MAPK10: variants seen among roughly 807,000 people sequenced by gnomAD.
The protein encoded by MAPK10 is mitogen-activated protein kinase 10.
Under a neutral mutation model 59.3 loss-of-function variants are expected in MAPK10, and 25 were observed. That is an observed-to-expected ratio of 0.42 (90% CI 0.31 to 0.59). The LOEUF (loss-of-function observed/expected upper bound fraction) is 0.59. MAPK10 is among the 20% of genes least tolerant of loss of function. MAPK10 has a pLI of 0.15. For missense variants in MAPK10, 351 were observed against 568.9 expected, an observed-to-expected ratio of 0.62 and a Z score of 3.90; for synonymous variants, 190 against 200.5, an observed-to-expected ratio of 0.95 and a Z score of 0.44.
chr4:86,366,304 C>T (rs1234292900), intron 1 of MAPK10, among the ~76,000 whole-genome samples: 1 of 152,060 alleles, frequency 6.6e-6, no homozygotes, highest in South Asian at 2.1e-4. Flanking sequence ...ATGAGAAGGT[C>T]CTACATCTTG....
intron 1 of MAPK10, among the ~76,000 whole-genome samples, chr4:86,378,846 C>G (rs1740224699): frequency 6.6e-6 from 1 of 152,120 alleles, no homozygotes; most frequent in Admixed American, 6.6e-5. Context: ...TAAACATGTT[C>G]CATGAATTGC....
chr4:86,098,363 T>C (rs1251608687), intron 9 of MAPK10, 161 bp downstream of exon 9: 9 of 1,006,184 alleles, frequency 8.9e-6, no homozygotes, highest in Non-Finnish European at 1.1e-5. Flanking sequence ...GTAGGCAGTC[T>C]TCAGTACTGG....
intron 1 of MAPK10, among the ~76,000 whole-genome samples, chr4:86,580,443 G>A (rs1381125321): frequency 6.6e-6 from 1 of 151,942 alleles, no homozygotes; most frequent in Non-Finnish European, 1.5e-5. Flanking sequence ...AGGTTGCAGT[G>A]AGCTGAGATC....
intron 11 of MAPK10, among the ~76,000 whole-genome samples, chr4:86,038,797 C>A (rs2040883113): frequency 6.6e-6 from 1 of 152,054 alleles, no homozygotes; most frequent in South Asian, 2.1e-4. Context: ...AATAGTCTTA[C>A]CAACAATCGC....
intron 4 of MAPK10, among the ~76,000 whole-genome samples, chr4:86,141,274 C>G (rs946131235): frequency 4.6e-5 from 7 of 152,094 alleles, no homozygotes; most frequent in Non-Finnish European, 7.3e-5. Context: ...AAATGATAGT[C>G]CTATGGTGAA....
chr4:86,277,339 A>C (rs181900560), intron 2 of MAPK10: 1 of 152,192 alleles, frequency 6.6e-6, no homozygotes, highest in African/African-American at 2.4e-5. Context: ...GGGGAAGAAA[A>C]AGGAAATAAG....
At chr4:86,527,595 A>C (rs1328250907) in intron 1 of MAPK10, among the ~76,000 whole-genome samples, 1 of 152,196 alleles carries the variant, frequency 6.6e-6, no homozygotes, top group African/African-American at 2.4e-5. Context: ...TATGGAAAGC[A>C]GTTTGGAGAT....
chr4:86,584,889 T>C (rs1484533893), intron 1 of MAPK10, among the ~76,000 whole-genome samples: 2 of 152,132 alleles, frequency 1.3e-5, no homozygotes, highest in African/African-American at 4.8e-5. Flanking sequence ...AAGCTGCTAT[T>C]GAGAAGACTT....
At chr4:86,317,066 A>C (rs569587034) in intron 2 of MAPK10, among the ~76,000 whole-genome samples, 54 of 152,292 alleles carry the variant, frequency 3.5e-4, no homozygotes, top group African/African-American at 1.2e-3. Context: ...AAAATCACAC[A>C]GTAGGGCACT....
chr4:86,284,777 G>A (rs1218035633), intron 2 of MAPK10, among the ~76,000 whole-genome samples: 1 of 152,172 alleles, frequency 6.6e-6, no homozygotes, highest in Non-Finnish European at 1.5e-5. Flanking sequence ...AGAAAACACT[G>A]TTCTGGTAAG....
intron 1 of MAPK10, among the ~76,000 whole-genome samples, chr4:86,543,378 T>C (rs1025330662): frequency 2.0e-5 from 3 of 152,190 alleles, no homozygotes; most frequent in Non-Finnish European, 4.4e-5. Flanking sequence ...CCCTGTAGTA[T>C]ATGATGTCTA....
intron 1 of MAPK10, among the ~76,000 whole-genome samples, chr4:86,433,937 C>G (rs534984514): frequency 1.3e-5 from 2 of 152,180 alleles, no homozygotes; most frequent in African/African-American, 2.4e-5. Context: ...ACTCTCCACA[C>G]GTATCACATG....
chr4:86,148,231 G>A (rs2065478285), intron 4 of MAPK10, among the ~76,000 whole-genome samples: 1 of 152,120 alleles, frequency 6.6e-6, no homozygotes, highest in Non-Finnish European at 1.5e-5. Flanking sequence ...TAGAAAAGGT[G>A]ACTTGAGACT....
At chr4:86,306,175 T>C (rs895095446) in intron 2 of MAPK10, among the ~76,000 whole-genome samples, 3 of 152,190 alleles carry the variant, frequency 2.0e-5, no homozygotes, top group Admixed American at 1.3e-4. Flanking sequence ...AATAAACCCA[T>C]TAAACGTTAG....
intron 1 of MAPK10, among the ~76,000 whole-genome samples, chr4:86,475,100 G>A (rs1191830298): frequency 2.6e-5 from 4 of 151,716 alleles, no homozygotes; most frequent in African/African-American, 4.9e-5. Flanking sequence ...CTTATAAAAC[G>A]GCCCCACTCC....
At chr4:86,144,532 G>T (rs960677579) in intron 4 of MAPK10, among the ~76,000 whole-genome samples, 1 of 152,130 alleles carries the variant, frequency 6.6e-6, no homozygotes, top group African/African-American at 2.4e-5. Flanking sequence ...CATTCCAAAT[G>T]ATTGTAAAAT....
chr4:86,207,527 C>T (rs536414995), intron 2 of MAPK10, among the ~76,000 whole-genome samples: 10,880 of 151,992 alleles, frequency 0.072, 389 homozygotes, highest in Middle Eastern at 0.13. Flanking sequence ...CTTGGCGATA[C>T]GGGCTCTTTT....
intron 2 of MAPK10, among the ~76,000 whole-genome samples, chr4:86,260,165 G>A (rs1173511616): frequency 6.6e-6 from 1 of 151,926 alleles, no homozygotes; most frequent in Non-Finnish European, 1.5e-5. Flanking sequence ...TAAAAATAAA[G>A]TATTTTACCC....
At chr4:86,215,304 A>C (rs2087160961) in intron 2 of MAPK10, among the ~76,000 whole-genome samples, 1 of 152,208 alleles carries the variant, frequency 6.6e-6, no homozygotes, top group South Asian at 2.1e-4. Flanking sequence ...AAACAATCAA[A>C]CTGTTATAAG....
Sources: gnomAD v4.1 joint callset for allele counts (sites outside exome capture counted in the v4.1 genomes callset) on GRCh38, gnomAD v4.1.1 for gene constraint, MANE v1.5 for transcripts, NCBI Gene and HGNC (gene_info 2026-07-23, HGNC 2026-07-21) for gene names.